The following PAPPA2 variants were observed in gnomAD, a reference collection of about 807,000 sequenced individuals.
The protein encoded by PAPPA2 is pappalysin-2.
Under a neutral mutation model 176.4 loss-of-function variants are expected in PAPPA2, and 86 were observed. The observed-to-expected ratio is 0.49, with a 90% CI of 0.41 to 0.58. The LOEUF (loss-of-function observed/expected upper bound fraction) is 0.58. Among genes scored for constraint, PAPPA2 ranks in the 20% least tolerant of loss-of-function variants. The pLI, the probability that PAPPA2 is intolerant of heterozygous loss-of-function variation, is 0.00. For missense variants in PAPPA2, 2,073 were observed against 2,256.9 expected (o/e 0.92, Z 1.65); for synonymous variants, 809 against 852.2 (o/e 0.95, Z 0.88).
intron 21 of PAPPA2, among the ~76,000 whole-genome samples, chr1:176,817,818 A>G (rs560179104): frequency 6.6e-6 from 1 of 152,250 alleles, no homozygotes; most frequent in African/African-American, 2.4e-5. Flanking sequence ...GTTCAGTAGA[A>G]TTGGAAATAA....
At chr1:176,751,159 G>A (rs530270094) in intron 14 of PAPPA2, among the ~76,000 whole-genome samples, 174 of 151,626 alleles carry the variant, frequency 1.1e-3, no homozygotes, top group African/African-American at 3.6e-3. Context: ...GTAGATATGC[G>A]GCATTATTTC....
At chr1:176,646,882 A>G (rs1346311428) in intron 3 of PAPPA2, among the ~76,000 whole-genome samples, 1 of 151,594 alleles carries the variant, frequency 6.6e-6, no homozygotes, top group Non-Finnish European at 1.5e-5. Flanking sequence ...GGGAGTGCAG[A>G]TATCTCTTTG....
chr1:176,512,979 T>G (rs1184536423), intron 1 of PAPPA2, among the ~76,000 whole-genome samples: 1 of 152,190 alleles, frequency 6.6e-6, no homozygotes, highest in Non-Finnish European at 1.5e-5. Flanking sequence ...AAGTTAGGGA[T>G]AGCCTGATCC....
At chr1:176,774,324 G>T (rs1418703099) in intron 17 of PAPPA2, among the ~76,000 whole-genome samples, 1 of 152,044 alleles carries the variant, frequency 6.6e-6, no homozygotes, top group Admixed American at 6.6e-5. Flanking sequence ...GGGCCATAAG[G>T]CCCATAAGAC....
At chr1:176,831,702 G>T (rs559370037) in intron 21 of PAPPA2, among the ~76,000 whole-genome samples, 1 of 152,150 alleles carries the variant, frequency 6.6e-6, no homozygotes. Flanking sequence ...GAAAAGGGCC[G>T]TGAGGTTAGT....
intron 3 of PAPPA2, among the ~76,000 whole-genome samples, chr1:176,650,651 A>T (rs568487795): frequency 6.6e-6 from 1 of 151,628 alleles, no homozygotes; most frequent in African/African-American, 2.4e-5. Context: ...GAGTGAGAAC[A>T]TGCGGTGTTT....
intron 9 of PAPPA2, among the ~76,000 whole-genome samples, chr1:176,704,097 C>T (rs565227823): frequency 6.6e-6 from 1 of 152,180 alleles, no homozygotes; most frequent in East Asian, 1.9e-4. Context: ...CACCCTGCAG[C>T]CCCAGGGTGC....
chr1:176,541,240 A>G (rs1168937928), intron 1 of PAPPA2, among the ~76,000 whole-genome samples: 1 of 152,224 alleles, frequency 6.6e-6, no homozygotes, highest in Non-Finnish European at 1.5e-5. Context: ...AACCATACAG[A>G]GATGCAGTTA....
At chr1:176,657,169 ATT>A (rs954052016) in intron 3 of PAPPA2, among the ~76,000 whole-genome samples, 6 of 152,048 alleles carry the variant, frequency 3.9e-5, no homozygotes, top group African/African-American at 1.4e-4. Context: ...CCAGACCAGG[ATT>A]TAGGGTATTA....
intron 3 of PAPPA2, among the ~76,000 whole-genome samples, chr1:176,618,090 G>A (rs1220930781): frequency 6.6e-6 from 1 of 152,196 alleles, no homozygotes; most frequent in East Asian, 1.9e-4. Flanking sequence ...GAGAAATGTA[G>A]TTAAGTTGCA....
chr1:176,548,643 G>A (rs184786452), intron 1 of PAPPA2, among the ~76,000 whole-genome samples: 2 of 152,244 alleles, frequency 1.3e-5, no homozygotes, highest in Admixed American at 6.5e-5. Flanking sequence ...TTTTCCAGGC[G>A]AATGAACTTA....
chr1:176,502,772 T>G (rs1490089553), intron 1 of PAPPA2, among the ~76,000 whole-genome samples: 1 of 152,186 alleles, frequency 6.6e-6, no homozygotes, highest in Non-Finnish European at 1.5e-5. Flanking sequence ...ATCTTCCAAG[T>G]TACTTGTGTG....
intron 1 of PAPPA2, among the ~76,000 whole-genome samples, chr1:176,520,410 A>T (rs991871679): frequency 1.3e-5 from 2 of 152,186 alleles, no homozygotes; most frequent in African/African-American, 4.8e-5. Context: ...CCAGGTTCTG[A>T]CAGTTAAGCC....
chr1:176,503,863 A>G (rs1479466383), intron 1 of PAPPA2, among the ~76,000 whole-genome samples: 1 of 152,196 alleles, frequency 6.6e-6, no homozygotes, highest in Non-Finnish European at 1.5e-5. Context: ...AGAACATAGC[A>G]GGAAACAAGT....
At chr1:176,558,987 G>A (rs1232325537) in intron 2 of PAPPA2, among the ~76,000 whole-genome samples, 1 of 152,180 alleles carries the variant, frequency 6.6e-6, no homozygotes, top group East Asian at 1.9e-4. Flanking sequence ...TGTCCCTCCT[G>A]TGTCCTGTCT....
Position 176,595,211 on chromosome 1 carries a change from A to T in PAPPA2, c.1607A>T (p.Glu536Val). The change falls in exon 3 of 23, where the codon GAG becomes GTG. Residue 536 changes from glutamate to valine, a missense_variant. Glu to Val is a moderately radical substitution (Grantham distance 121). This residue lies in a region of PAPPA2 where 1,196 missense variants were observed against 1,330.4 expected (regional missense o/e 0.90). Transcript: ENST00000367662. ...CAGGTGGTGAACATCTGTGATGATG[A>T]GGGCCTAAACCCCATTGTGAGTGAG... ...RYQVVNICDD[E>V]GLNPIVSEEQ... 1 of 1,614,230 alleles carries T rather than the reference A, an allele frequency of 6.2e-7. No individual in the cohort carries two copies.
At chr1:176,707,735 C>T (rs1660938415) in intron 10 of PAPPA2, among the ~76,000 whole-genome samples, 1 of 152,192 alleles carries the variant, frequency 6.6e-6, no homozygotes, top group South Asian at 2.1e-4. Context: ...AGAGCCAGCC[C>T]TAGAACTCAG....
intron 1 of PAPPA2, among the ~76,000 whole-genome samples, chr1:176,551,261 A>T (rs142490152): frequency 3.9e-5 from 6 of 152,342 alleles, no homozygotes; most frequent in African/African-American, 1.4e-4. Context: ...CTAGCTGAAT[A>T]AGATTCCAAT....
At chr1:176,655,098 A>T (rs891791382) in intron 3 of PAPPA2, among the ~76,000 whole-genome samples, 1 of 151,828 alleles carries the variant, frequency 6.6e-6, no homozygotes, top group Non-Finnish European at 1.5e-5. Flanking sequence ...TAGGTCTTCC[A>T]GTACTATGTT....
Sources: gnomAD v4.1 joint callset for allele counts (sites outside exome capture counted in the v4.1 genomes callset) on GRCh38, gnomAD v4.1.1 for gene constraint, gnomAD v4.1.1 regional missense constraint, MANE v1.5 for transcripts, NCBI Gene and HGNC (gene_info 2026-07-23, HGNC 2026-07-21) for gene names.